CARD14: variants seen among roughly 807,000 people sequenced by gnomAD.
The protein encoded by CARD14 is caspase recruitment domain-containing protein 14.
CARD14 carries 107 observed loss-of-function variants against 111.5 expected under a neutral mutation model. The ratio of observed to expected loss-of-function variants is 0.96; its 90% CI spans 0.82 to 1.13. The LOEUF (loss-of-function observed/expected upper bound fraction) is 1.13. Ranked by LOEUF, CARD14 falls within the 50% of genes most tolerant of loss-of-function variation. CARD14 has a pLI of 0.00. For missense variants in CARD14, 1,322 were observed against 1,362.3 expected, an observed-to-expected ratio of 0.97 and a Z score of 0.47; for synonymous variants, 617 against 579.6, an observed-to-expected ratio of 1.06 and a Z score of -0.93.
chr17:80,179,736 G>A (rs2040110246), intron 4 of CARD14, among the ~76,000 whole-genome samples: 1 of 152,172 alleles, frequency 6.6e-6, no homozygotes. Flanking sequence ...AGAGGCTGAG[G>A]TGGGAGGATT....
Position 80,203,872 on chromosome 17 carries a change from C to T in CARD14, c.2270C>T (p.Thr757Ile), listed in dbSNP as rs767665543. 2.5e-6 allele frequency: 4 copies of T among 1,596,578 alleles called. No individual in the cohort carries two copies. Among genetic ancestry groups the T allele is most frequent in the South Asian group, 1.1e-5 (1 of 87,362 alleles). Residue 757 changes from threonine (T) to isoleucine (I), a missense_variant, in exon 19 of 24, where the codon ACC becomes ATC. Physicochemically the swap from Thr to Ile is moderately conservative, Grantham distance 89. Coordinates refer to ENST00000648509, the MANE Select transcript of CARD14 (RefSeq NM_001366385.1). This position sits in a 1 kb window ranked among gnomAD's most constrained non-coding sequence, Gnocchi z 4.6. ...ATCCAGGACATGACTCAGCAGTGCA[C>T]CGTGACCCGCAAGGTGAGGCTCCAG... ...ALIQDMTQQC[T>I]VTRKPSSGGP... is the part of the protein sequence containing the mutation.
At chr17:80,179,450 A>G (rs2040101863) in intron 4 of CARD14, 149 bp downstream of exon 4, 1 of 152,262 alleles carries the variant, frequency 6.6e-6, no homozygotes, top group African/African-American at 2.4e-5. Flanking sequence ...TCCAGCTAAC[A>G]CTGAAGGCAC....
intron 6 of CARD14, among the ~76,000 whole-genome samples, chr17:80,183,054 T>C (rs530440455): frequency 7.2e-5 from 11 of 151,918 alleles, no homozygotes; most frequent in Admixed American, 5.2e-4. Context: ...AGCGGTAGGG[T>C]GGGGAGAATC....
Position 80,188,179 on chromosome 17 carries a change from G to T in CARD14, c.676-198G>T. The T allele has an allele frequency of 1.8e-6, 1 of 549,442 alleles. No individual in the cohort carries two copies. The highest frequency in any genetic ancestry group is 3.9e-5 in the East Asian group (1 of 25,962). 34.0% of individuals were successfully genotyped at this position (549,442 alleles called of 1,614,324 possible). On this transcript the variant is annotated intron_variant, in intron 7 of 23. Coordinates refer to ENST00000648509, the MANE Select transcript of CARD14 (RefSeq NM_001366385.1). The surrounding 1 kb of genome is among the most constrained non-coding windows in gnomAD (Gnocchi z 4.5). ...CTCATCTATAAGACAGAGCTGAAAG[G>T]CCTCTGTCCTCCCAGCCCCAGTTGA...
intron 4 of CARD14, among the ~76,000 whole-genome samples, chr17:80,181,032 G>A (rs1334618649): frequency 6.6e-6 from 1 of 151,382 alleles, no homozygotes; most frequent in East Asian, 1.9e-4. Flanking sequence ...CAAAGTGCTG[G>A]GATTATAGGC....
rs371002081 is a variant in CARD14, at chr17:80,187,211, C to T, written c.676-1166C>T. Reference sequence around the variant, plus strand: ...ACCTTCAGACCCGTGCTCAGTCCTGCAGCACATCTCAAATCGTTTCAGAAT... The same window carrying T: ...ACCTTCAGACCCGTGCTCAGTCCTGTAGCACATCTCAAATCGTTTCAGAAT... On this transcript the variant is annotated intron_variant, in intron 7 of 23. Coordinates refer to ENST00000648509, the MANE Select transcript of CARD14 (RefSeq NM_001366385.1). 3.4e-4 allele frequency among the ~76,000 whole-genome samples: 52 copies of T among 152,340 alleles called. 5 individuals are homozygous for T. Among genetic ancestry groups the T allele is most frequent in the East Asian group, 1.7e-3 (9 of 5,176 alleles).
chr17:80,182,822 CACTTCTAGGA>C lies in CARD14; in HGVS notation c.349+35_349+44del. The C allele has an allele frequency of 6.2e-7, 1 of 1,613,306 alleles. No homozygotes were observed. Among genetic ancestry groups the C allele is most frequent in the Middle Eastern group, 1.7e-4 (1 of 6,056 alleles). Reference sequence around the variant, plus strand: ...GCTCCGACTTTGACGGTTTGGCAGGCACTTCTAGGAACCTCAGGCTCCTGGTAACCCCAGG... The same window carrying C: ...GCTCCGACTTTGACGGTTTGGCAGGCACCTCAGGCTCCTGGTAACCCCAGG... On this transcript the variant is annotated intron_variant, in intron 6 of 23. Transcript: ENST00000648509. The surrounding 1 kb of genome is among the most constrained non-coding windows in gnomAD (Gnocchi z 4.7).
At position 80,209,037 on chromosome 17, in the gene CARD14, G is replaced by C. The variant is rs368081247; in HGVS notation, c.*692G>C. The C allele has an allele frequency of 5.2e-5, 8 of 152,804 alleles. No individual in the cohort carries two copies. The highest frequency in any genetic ancestry group is 1.9e-4 in the African/African-American group (8 of 41,576). The allele number at this position is 152,804 out of a possible 1,614,324, so 9.5% of individuals were successfully genotyped here. ...GGTGGGGGTGTCCCAGAGAAGCCTG[G>C]CACCAGTACCCCCGTACAAGGCCCA... is the stretch of plus-strand genomic sequence containing the variant. On this transcript the variant is annotated 3_prime_UTR_variant, in exon 24 of 24. Coordinates refer to ENST00000648509, the MANE Select transcript of CARD14 (RefSeq NM_001366385.1).
intron 2 of CARD14, among the ~76,000 whole-genome samples, chr17:80,177,705 A>T (rs920674804): frequency 4.6e-5 from 7 of 151,332 alleles, no homozygotes; most frequent in African/African-American, 9.7e-5. Context: ...AAAAAAAAAA[A>T]TTTTTTTTTA....
Position 80,195,682 on chromosome 17 carries a change from G to A in CARD14, c.1594+30G>A. The A allele has an allele frequency of 1.9e-6, 3 of 1,572,954 alleles. No homozygotes were observed. The highest frequency in any genetic ancestry group is 2.6e-6 in the Non-Finnish European group (3 of 1,149,368). ...GCACGCCCAACCCTGAACCTCCACAGCAGTCCACCTCCCCTGGGCAGAGCA... is the reference window on the plus strand; with the variant it reads ...GCACGCCCAACCCTGAACCTCCACAACAGTCCACCTCCCCTGGGCAGAGCA... On this transcript the variant is annotated intron_variant, in intron 14 of 23. Transcript: ENST00000648509. The surrounding 1 kb of genome is among the most constrained non-coding windows in gnomAD (Gnocchi z 4.7).
In CARD14 at chr17:80,205,602, G is replaced by A. The variant is rs548495951; in HGVS notation, c.2641G>A (p.Gly881Arg). ...GDIIQEGEVS[G>R]GRCWVTRHAV... ...CATCATCCAGGAGGGAGAGGTGTCCGGGGGCCGCTGCTGGGTGACCCGCCA... is the reference window on the plus strand; with the variant it reads ...CATCATCCAGGAGGGAGAGGTGTCCAGGGGCCGCTGCTGGGTGACCCGCCA... The change falls in exon 22 of 24, where the codon GGG (glycine) becomes AGG (arginine). Residue 881 changes from glycine to arginine, a missense_variant. Gly to Arg is a moderately radical substitution (Grantham distance 125, BLOSUM62 -2). Coordinates refer to ENST00000648509, the MANE Select transcript of CARD14 (RefSeq NM_001366385.1). 3.2e-5 allele frequency: 50 copies of A among 1,568,974 alleles called. No individual in the cohort carries two copies. The highest frequency in any genetic ancestry group is 7.0e-5 in the East Asian group (3 of 42,740).
chr17:80,195,700 G>A lies in CARD14; in HGVS notation c.1594+48G>A, dbSNP rs2040689484. 2 of 1,495,414 alleles carry A rather than the reference G, an allele frequency of 1.3e-6. No individual in the cohort carries two copies. Among genetic ancestry groups the A allele is most frequent in the Non-Finnish European group, 9.2e-7 (1 of 1,087,344 alleles). The allele number at this position is 1,495,414 out of a possible 1,614,324, so 92.6% of individuals were successfully genotyped here. On this transcript the variant is annotated intron_variant, in intron 14 of 23. Transcript: ENST00000648509. The surrounding 1 kb of genome is among the most constrained non-coding windows in gnomAD (Gnocchi z 4.7). Reference sequence around the variant, plus strand: ...CTCCACAGCAGTCCACCTCCCCTGGGCAGAGCAGGGAGCTGATGAGAAAGC... The same window carrying A: ...CTCCACAGCAGTCCACCTCCCCTGGACAGAGCAGGGAGCTGATGAGAAAGC...
chr17:80,193,242 G>C (rs112081278), intron 12 of CARD14, among the ~76,000 whole-genome samples: 96 of 151,592 alleles, frequency 6.3e-4, no homozygotes, highest in African/African-American at 2.3e-3. Flanking sequence ...CCCCAGACAT[G>C]AGTTTCCAGG....
chr17:80,180,963 A>G (rs1227089281), intron 4 of CARD14, among the ~76,000 whole-genome samples: 1 of 152,058 alleles, frequency 6.6e-6, no homozygotes, highest in East Asian at 1.9e-4. Flanking sequence ...GGGTTTCACC[A>G]TATTTGCCAG....
In CARD14 at chr17:80,198,284, A is replaced by C; in HGVS notation, c.1659-115A>C. ...ACAGCCTTTCCAAGCACATGGGGCCATGGAGGGGGAGGAGAATTCCAGAAC... is the reference window on the plus strand; with the variant it reads ...ACAGCCTTTCCAAGCACATGGGGCCCTGGAGGGGGAGGAGAATTCCAGAAC... On this transcript the variant is annotated intron_variant, in intron 15 of 23. Transcript: ENST00000648509. This position sits in a 1 kb window ranked among gnomAD's most constrained non-coding sequence, Gnocchi z 7.5. 6.4e-7 allele frequency: 1 copy of C among 1,564,550 alleles called. No homozygotes were observed. The highest frequency in any genetic ancestry group is 8.7e-7 in the Non-Finnish European group (1 of 1,145,032).
Position 80,209,249 on chromosome 17 carries a change from T to C in CARD14, c.*904T>C. On this transcript the variant is annotated 3_prime_UTR_variant, in exon 24 of 24. Coordinates refer to ENST00000648509, the MANE Select transcript of CARD14 (RefSeq NM_001366385.1). ...GTGTCCAAGAATCAGGAAGCTGTTC[T>C]AGAATTCAGGTTGGTATCATCATAA... 1 of 905,782 alleles carries C rather than the reference T, an allele frequency of 1.1e-6. No individual in the cohort carries two copies. Among genetic ancestry groups the C allele is most frequent in the Non-Finnish European group, 1.3e-6 (1 of 757,116 alleles). The allele number at this position is 905,782 out of a possible 1,614,324, so 56.1% of individuals were successfully genotyped here. A position where few individuals can be genotyped will look rare whatever the true frequency, so the allele number is the denominator to read the frequency against.
chr17:80,204,843 G>T (rs1439349444), intron 20 of CARD14, 192 bp from the exon 21 acceptor site: 4 of 555,442 alleles, frequency 7.2e-6, no homozygotes, highest in Non-Finnish European at 1.3e-5. Context: ...TGTAACCCCC[G>T]TGCAAAGGAG....
rs1196800518 is a variant in CARD14 at position 80,205,552 on chromosome 17, A to G, written c.2591A>G (p.Tyr864Cys). Reference sequence around the variant, plus strand: ...GTAGAGTACTTGAGCCAGGAGGAGTATGAGGCCTGGAGCCAGAGAGGGGAC... The same window carrying G: ...GTAGAGTACTTGAGCCAGGAGGAGTGTGAGGCCTGGAGCCAGAGAGGGGAC... ...CLAEYLSQEEYEAWSQRGDII... is the reference protein window; with the variant it reads ...CLAEYLSQEECEAWSQRGDII... Residue 864 changes from tyrosine (Y) to cysteine (C), a missense_variant, in exon 22 of 24, where the codon TAT (tyrosine) becomes TGT (cysteine). By Grantham distance (194) the Tyr-to-Cys change is radical. Transcript: ENST00000648509. The G allele has an allele frequency of 1.9e-6, 3 of 1,584,964 alleles. No homozygotes were observed. The highest frequency in any genetic ancestry group is 2.6e-6 in the Non-Finnish European group (3 of 1,164,998).
Position 80,188,728 on chromosome 17 carries a change from T to C in CARD14, c.843+184T>C, listed in dbSNP as rs1477218001. 2 of 517,620 alleles carry C rather than the reference T, an allele frequency of 3.9e-6. No individual in the cohort carries two copies. The highest frequency in any genetic ancestry group is 3.0e-6 in the Non-Finnish European group (1 of 333,876). 32.1% of individuals were successfully genotyped at this position (517,620 alleles called of 1,614,324 possible). A position where few individuals can be genotyped will look rare whatever the true frequency, so the allele number is the denominator to read the frequency against. On this transcript the variant is annotated intron_variant, in intron 8 of 23. Transcript: ENST00000648509. This position sits in a 1 kb window ranked among gnomAD's most constrained non-coding sequence, Gnocchi z 4.5. ...TCCTGCTGTTCCCCAGACCCCAAAA[T>C]TGGCAGAATTAAAAGCTGCTGGAAC...
Sources: allele counts gnomAD v4.1 joint callset (sites outside exome capture counted in the v4.1 genomes callset), GRCh38; gene constraint gnomAD v4.1.1; non-coding constraint Gnocchi (gnomAD v3.1); transcripts MANE v1.5; gene names NCBI Gene and HGNC (gene_info 2026-07-23, HGNC 2026-07-21).